The following MRTFA variants were observed in gnomAD, a reference collection of about 807,000 sequenced individuals.
MRTFA encodes the protein myocardin-related transcription factor A.
A neutral mutation model predicts 83.5 loss-of-function variants in MRTFA; 20 were observed. That is an observed-to-expected ratio of 0.24 (90% CI 0.17 to 0.35). MRTFA has a LOEUF of 0.35. Among genes scored for constraint, MRTFA ranks in the 10% least tolerant of loss-of-function variants. The probability of loss-of-function intolerance (pLI) is 1.00; values close to 1 mark genes in which losing one functional copy is unlikely to be tolerated. For missense variants in MRTFA, 1,200 were observed against 1,224.7 expected, an observed-to-expected ratio of 0.98 and a Z score of 0.30; for synonymous variants, 659 against 541.2, an observed-to-expected ratio of 1.22 and a Z score of -3.02.
intron 3 of MRTFA, among the ~76,000 whole-genome samples, chr22:40,499,129 C>T (rs141487529): frequency 0.024 from 3,586 of 152,260 alleles, 51 homozygotes; most frequent in Non-Finnish European, 0.035. Flanking sequence ...TTTCTAAATT[C>T]ACATCTTAGT....
intron 3 of MRTFA, among the ~76,000 whole-genome samples, chr22:40,482,702 G>C (rs2054111230): frequency 6.6e-6 from 1 of 152,144 alleles, no homozygotes; most frequent in African/African-American, 2.4e-5. Flanking sequence ...GGGCAGCCTT[G>C]AATCTCATTT....
At chr22:40,424,748 G>A (rs765705825) in intron 7 of MRTFA, among the ~76,000 whole-genome samples, 89 of 152,158 alleles carry the variant, frequency 5.8e-4, no homozygotes, top group Middle Eastern at 3.4e-3. Context: ...TACCTCAACC[G>A]TCTCCCTATT....
At chr22:40,488,398 T>G (rs1005193611) in intron 3 of MRTFA, among the ~76,000 whole-genome samples, 2 of 152,214 alleles carry the variant, frequency 1.3e-5, no homozygotes, top group Admixed American at 1.3e-4. Flanking sequence ...ACACATGCTA[T>G]TTAAATTTAA....
At position 40,464,261 on chromosome 22, in the gene MRTFA, A is replaced by ACT. The variant is rs966694623; in HGVS notation, c.242-977_242-976dup. Among the ~76,000 whole-genome samples the ACT allele has an allele frequency of 2.9e-5, 4 of 136,712 alleles. No individual in the cohort carries two copies. The East Asian group carries it at 8.8e-4, about 30-fold the overall frequency. The allele number at this position is 136,712 out of a possible 152,430, so 89.7% of individuals were successfully genotyped here. ...GGTTGCAGTGAGCCGAGATCACACTACTCTCTCTCACTCCAGCCTGGGTAA... is the reference window on the plus strand; with the variant it reads ...GGTTGCAGTGAGCCGAGATCACACTACTCTCTCTCTCACTCCAGCCTGGGTAA... On this transcript the variant is annotated intron_variant, in intron 3 of 14. Coordinates refer to ENST00000355630, the MANE Select transcript of MRTFA (RefSeq NM_020831.6).
At chr22:40,548,645 G>A (rs972332645) in intron 3 of MRTFA, among the ~76,000 whole-genome samples, 3 of 151,984 alleles carry the variant, frequency 2.0e-5, no homozygotes, top group Admixed American at 2.0e-4. Context: ...CGGATCACAA[G>A]GTCAAGAGAT....
At chr22:40,454,056 T>C (rs1602267928) in intron 4 of MRTFA, among the ~76,000 whole-genome samples, 1 of 152,226 alleles carries the variant, frequency 6.6e-6, no homozygotes, top group Non-Finnish European at 1.5e-5. Context: ...TAACAATTTA[T>C]AGCAATTGTC....
chr22:40,417,031 T>C lies in MRTFA; in HGVS notation c.2533A>G (p.Ser845Gly), dbSNP rs1175611943. The C allele has an allele frequency of 6.3e-7, 1 of 1,595,956 alleles. No homozygotes were observed. The highest frequency in any genetic ancestry group is 1.7e-5 in the Admixed American group (1 of 57,226). ...TCAAACAGGTCGTCCATCTGCTGGCTTGAGGAACCATTTTCCTGTGGGACA... is the reference window on the plus strand; with the variant it reads ...TCAAACAGGTCGTCCATCTGCTGGCCTGAGGAACCATTTTCCTGTGGGACA... The change falls in exon 14 of 15, where the codon AGC becomes GGC. Residue 845 changes from serine (S) to glycine (G), a missense_variant. Coordinates refer to ENST00000355630, the MANE Select transcript of MRTFA (RefSeq NM_020831.6).
chr22:40,615,055 A>C (rs879364789), intron 1 of MRTFA, among the ~76,000 whole-genome samples: 1 of 152,126 alleles, frequency 6.6e-6, no homozygotes, highest in Non-Finnish European at 1.5e-5. Flanking sequence ...TAGAAAAAAA[A>C]AAATCTGCCT....
At chr22:40,413,119 CAG>C (rs1172883128) in intron 14 of MRTFA, among the ~76,000 whole-genome samples, 2 of 103,246 alleles carry the variant, frequency 1.9e-5, no homozygotes, top group Admixed American at 1.6e-4. Flanking sequence ...CACTGGGAAA[CAG>C]AGTGACACCC....
chr22:40,593,147 C>T (rs1016548577), intron 2 of MRTFA, among the ~76,000 whole-genome samples: 3 of 152,114 alleles, frequency 2.0e-5, no homozygotes, highest in African/African-American at 7.2e-5. Flanking sequence ...TCCACCCTGC[C>T]TTTGGCTAAT....
intron 3 of MRTFA, among the ~76,000 whole-genome samples, chr22:40,517,454 A>C (rs554476514): frequency 5.3e-4 from 81 of 152,282 alleles, no homozygotes; most frequent in Non-Finnish European, 9.6e-4. Flanking sequence ...ATGAAAGGCA[A>C]TATAGTATAG....
At chr22:40,610,633 T>G (rs1040315157) in intron 1 of MRTFA, among the ~76,000 whole-genome samples, 2 of 152,174 alleles carry the variant, frequency 1.3e-5, no homozygotes, top group African/African-American at 4.8e-5. Context: ...TTATCCATTA[T>G]GGACTCTAAA....
chr22:40,457,438 G>GAA (rs1816140217), intron 4 of MRTFA, among the ~76,000 whole-genome samples: 5 of 84,524 alleles, frequency 5.9e-5, no homozygotes, highest in African/African-American at 2.6e-4. Context: ...GAAAGAAAGA[G>GAA]AAAGAAAGAA....
chr22:40,484,466 C>G (rs779663338), intron 3 of MRTFA, among the ~76,000 whole-genome samples: 4 of 152,072 alleles, frequency 2.6e-5, no homozygotes, highest in Non-Finnish European at 5.9e-5. Context: ...TTTTCCCACT[C>G]CACATCCCCC....
chr22:40,509,914 G>GAA (rs201950953), intron 3 of MRTFA, among the ~76,000 whole-genome samples: 19 of 58,344 alleles, frequency 3.3e-4, no homozygotes, highest in East Asian at 2.9e-3. Flanking sequence ...GGAGGAACAA[G>GAA]AAAAAAAAAA....
rs929227703 is a variant in MRTFA, at chr22:40,411,315, G to A, written c.*75C>T. 7.9e-5 allele frequency: 114 copies of A among 1,451,576 alleles called. No homozygotes were observed. In the East Asian group the frequency reaches 8.3e-4, roughly 11 times the overall value. The allele number at this position is 1,451,576 out of a possible 1,614,324, so 89.9% of individuals were successfully genotyped here. A position where few individuals can be genotyped will look rare whatever the true frequency, so the allele number is the denominator to read the frequency against. ...AGACTCACAACCATGTGGAGAGGCC[G>A]AATCACGCAGGAGAGCCACGCATTG... On this transcript the variant is annotated 3_prime_UTR_variant, in exon 15 of 15. Coordinates refer to ENST00000355630, the MANE Select transcript of MRTFA (RefSeq NM_020831.6).
chr22:40,490,809 T>C (rs1034500079), intron 3 of MRTFA, among the ~76,000 whole-genome samples: 4 of 152,310 alleles, frequency 2.6e-5, no homozygotes, highest in African/African-American at 9.6e-5. Context: ...TACATAATTA[T>C]TATACATTGT....
intron 3 of MRTFA, among the ~76,000 whole-genome samples, chr22:40,532,355 A>G (rs2055096412): frequency 6.6e-6 from 1 of 152,220 alleles, no homozygotes; most frequent in South Asian, 2.1e-4. Context: ...GCCCACACAT[A>G]GCAGAGAACT....
chr22:40,548,080 G>T (rs980875985), intron 3 of MRTFA, among the ~76,000 whole-genome samples: 11 of 152,106 alleles, frequency 7.2e-5, no homozygotes, highest in African/African-American at 2.4e-4. Flanking sequence ...ACAGGGCACA[G>T]TGGCTCATGC....
Sources: gnomAD v4.1 joint callset for allele counts (sites outside exome capture counted in the v4.1 genomes callset) on GRCh38, gnomAD v4.1.1 for gene constraint, MANE v1.5 for transcripts, NCBI Gene and HGNC (gene_info 2026-07-23, HGNC 2026-07-21) for gene names.